The following TANGO6 variants were observed in gnomAD, a reference collection of about 807,000 sequenced individuals.
The protein encoded by TANGO6 is transport and golgi organization 6 homolog.
In TANGO6, 90 loss-of-function variants were observed where a neutral mutation model predicts 114.2. The observed-to-expected ratio is 0.79, with a 90% CI of 0.66 to 0.94. TANGO6 has a LOEUF of 0.94. Ranked by LOEUF, TANGO6 falls within the 40% of genes least tolerant of loss-of-function variation. The pLI is 0.00. For synonymous variants in TANGO6, 477 were observed against 509.8 expected (o/e 0.94, Z 0.87); for missense variants, 1,274 against 1,315.3 (o/e 0.97, Z 0.49).
At chr16:69,024,820 T>A (rs562609681) in intron 16 of TANGO6, among the ~76,000 whole-genome samples, 4 of 152,224 alleles carry the variant, frequency 2.6e-5, no homozygotes, top group East Asian at 1.9e-4. Context: ...CCTTTTTTTT[T>A]ATTCAAATGG....
At chr16:68,914,451 C>T (rs768097029) in intron 11 of TANGO6, among the ~76,000 whole-genome samples, 4 of 152,124 alleles carry the variant, frequency 2.6e-5, no homozygotes, top group Non-Finnish European at 4.4e-5. Context: ...CATGACCCAC[C>T]GCGCCTGGAC....
chr16:68,974,618 G>A (rs1023885026), intron 15 of TANGO6, among the ~76,000 whole-genome samples: 5 of 152,156 alleles, frequency 3.3e-5, no homozygotes, highest in African/African-American at 7.2e-5. Context: ...TCGAGATCGC[G>A]CCACTGTGCT....
intron 15 of TANGO6, among the ~76,000 whole-genome samples, chr16:69,012,008 C>T (rs1258853994): frequency 6.6e-6 from 1 of 152,188 alleles, no homozygotes; most frequent in Non-Finnish European, 1.5e-5. Flanking sequence ...TCATTTTTGT[C>T]AAGTTTGTTC....
chr16:69,032,818 G>A (rs1287651542), intron 16 of TANGO6, among the ~76,000 whole-genome samples: 1 of 151,014 alleles, frequency 6.6e-6, no homozygotes, highest in African/African-American at 2.4e-5. Context: ...TGAGGTTGCA[G>A]TGGGCCAAGA....
chr16:69,063,515 AC>A (rs1960160083), intron 17 of TANGO6, among the ~76,000 whole-genome samples: 1 of 147,718 alleles, frequency 6.8e-6, no homozygotes, highest in Non-Finnish European at 1.5e-5. Context: ...ACAAAGCGAG[AC>A]CCCGTCTCAA....
intron 11 of TANGO6, among the ~76,000 whole-genome samples, chr16:68,912,272 A>G (rs1208479846): frequency 6.6e-6 from 1 of 152,030 alleles, no homozygotes; most frequent in African/African-American, 2.4e-5. Context: ...CTGAAGCAGG[A>G]GGATTGCCTG....
intron 17 of TANGO6, among the ~76,000 whole-genome samples, chr16:69,066,402 C>A (rs2152241720): frequency 6.6e-6 from 1 of 152,272 alleles, no homozygotes. Context: ...TCAAGCAGTT[C>A]TCTGGCCTCA....
At position 68,927,516 on chromosome 16, in the gene TANGO6, T is replaced by C. The variant is rs1224673758; in HGVS notation, c.2128-52T>C. 5 of 1,580,244 alleles carry C rather than the reference T, an allele frequency of 3.2e-6. No individual in the cohort carries two copies. The African/African-American group carries it at 5.4e-5, about 17-fold the overall frequency. ...TATGTTTCCTGGTGCTCAGGTCATATTGAAATTTGCTATGTTAATTTGGGT... is the reference window on the plus strand; with the variant it reads ...TATGTTTCCTGGTGCTCAGGTCATACTGAAATTTGCTATGTTAATTTGGGT... On this transcript the variant is annotated intron_variant, in intron 12 of 17. Coordinates refer to ENST00000261778, the MANE Select transcript of TANGO6 (RefSeq NM_024562.2).
At chr16:68,843,908 G>A (rs1368752299) in intron 1 of TANGO6, among the ~76,000 whole-genome samples, 197 bp downstream of exon 1, 2 of 152,228 alleles carry the variant, frequency 1.3e-5, no homozygotes, top group Non-Finnish European at 2.9e-5. Flanking sequence ...GGAGGGCGCG[G>A]GATCCGTTGA....
chr16:69,053,278 CTATT>C (rs1239110169), intron 17 of TANGO6, among the ~76,000 whole-genome samples: 2 of 151,980 alleles, frequency 1.3e-5, no homozygotes, highest in African/African-American at 4.8e-5. Flanking sequence ...CCCATTCTCC[CTATT>C]TAGTTACATT....
chr16:68,971,327 A>T (rs563116067), intron 14 of TANGO6, among the ~76,000 whole-genome samples: 1 of 152,054 alleles, frequency 6.6e-6, no homozygotes, highest in Non-Finnish European at 1.5e-5. Context: ...CTGGAGTGCA[A>T]TGCTGCAATC....
In TANGO6 at chr16:68,900,471, T is replaced by C. The variant is rs1435866469; in HGVS notation, c.1415T>C (p.Met472Thr). 1 of 1,614,052 alleles carries C rather than the reference T, an allele frequency of 6.2e-7. No individual in the cohort carries two copies. Among genetic ancestry groups the C allele is most frequent in the Non-Finnish European group, 8.5e-7 (1 of 1,179,896 alleles). The part of the protein sequence containing the change: ...VVGNEPLTVL[M>T]DSLLPVLGVL... ...GGGAATGAACCTTTAACAGTTTTGA[T>C]GGATTCCCTGCTTCCAGTCCTGGGA... is the stretch of plus-strand genomic sequence containing the variant. The change falls in exon 8 of 18, where the codon ATG becomes ACG. Residue 472 changes from methionine (M) to threonine (T), a missense_variant. This residue lies in a region of TANGO6 where 908 missense variants were observed against 910.2 expected (regional missense o/e 1.00). Coordinates refer to ENST00000261778, the MANE Select transcript of TANGO6 (RefSeq NM_024562.2).
chr16:69,060,292 A>G (rs1960094896), intron 17 of TANGO6, among the ~76,000 whole-genome samples: 1 of 152,164 alleles, frequency 6.6e-6, no homozygotes, highest in South Asian at 2.1e-4. Context: ...TTCTAGGACT[A>G]CAGGTGTGAG....
intron 15 of TANGO6, among the ~76,000 whole-genome samples, chr16:69,021,886 C>CTTTTTTTT (rs757995347): frequency 7.8e-6 from 1 of 127,874 alleles, no homozygotes; most frequent in Non-Finnish European, 1.7e-5. Flanking sequence ...ATTTTTTTTT[C>CTTTTTTTT]TTTTTTTTTT....
At chr16:69,040,655 A>G (rs1959758717) in intron 17 of TANGO6, among the ~76,000 whole-genome samples, 1 of 152,118 alleles carries the variant, frequency 6.6e-6, no homozygotes, top group Non-Finnish European at 1.5e-5. Context: ...CCAGAGCACA[A>G]GGTTGTAGAT....
Position 69,058,192 on chromosome 16 carries a change from G to A in TANGO6, c.3108+17771G>A, listed in dbSNP as rs987982530. ...CTAAGTGTACCCTCCTTGGGGTGAC[G>A]CGAAATGACAGCCTGGATTGATGCT... is the stretch of plus-strand genomic sequence containing the variant. On this transcript the variant is annotated intron_variant, in intron 17 of 17. Transcript: ENST00000261778. Among the ~76,000 whole-genome samples the A allele has an allele frequency of 1.3e-5, 2 of 152,290 alleles. 1 individual carries two copies. The highest frequency in any genetic ancestry group is 6.8e-3 in the Middle Eastern group (2 of 294).
intron 17 of TANGO6, among the ~76,000 whole-genome samples, chr16:69,066,358 G>C (rs1394002660): frequency 6.6e-6 from 1 of 152,104 alleles, no homozygotes; most frequent in Non-Finnish European, 1.5e-5. Context: ...GCAATGGCGT[G>C]ATCTTGGCTC....
chr16:68,863,523 T>C (rs1286951222), intron 3 of TANGO6, among the ~76,000 whole-genome samples: 1 of 152,098 alleles, frequency 6.6e-6, no homozygotes, highest in African/African-American at 2.4e-5. Context: ...GGCAGGAGAA[T>C]TGCTTGAACC....
Position 69,084,699 on chromosome 16 carries a change from G to A in TANGO6, c.*1038G>A, listed in dbSNP as rs1469986037. The A allele has an allele frequency of 6.6e-6, 1 of 152,320 alleles. No homozygotes were observed. The highest frequency in any genetic ancestry group is 1.5e-5 in the Non-Finnish European group (1 of 68,040). The allele number at this position is 152,320 out of a possible 1,614,324, so 9.4% of individuals were successfully genotyped here. ...CTCTCTGTTGTCAACACCTTGATGAGGCCAACCCAGAGATGCTTGATCAGT... is the reference window on the plus strand; with the variant it reads ...CTCTCTGTTGTCAACACCTTGATGAAGCCAACCCAGAGATGCTTGATCAGT... On this transcript the variant is annotated 3_prime_UTR_variant, in exon 18 of 18. Transcript: ENST00000261778.
Sources: gnomAD v4.1 joint callset for allele counts (sites outside exome capture counted in the v4.1 genomes callset) on GRCh38, gnomAD v4.1.1 for gene constraint, gnomAD v4.1.1 regional missense constraint, MANE v1.5 for transcripts, NCBI Gene and HGNC (gene_info 2026-07-23, HGNC 2026-07-21) for gene names.